TNKS: variants seen among roughly 807,000 people sequenced by gnomAD.
TNKS encodes poly [ADP-ribose] polymerase tankyrase-1.
Under a neutral mutation model 135.8 loss-of-function variants are expected in TNKS, and 72 were observed. That is an observed-to-expected ratio of 0.53 (90% CI 0.44 to 0.64). The LOEUF (loss-of-function observed/expected upper bound fraction) is 0.64. Among genes scored for constraint, TNKS ranks in the 30% least tolerant of loss-of-function variants. TNKS has a pLI of 0.00. For missense variants in TNKS, 1,769 were observed against 1,674.0 expected (o/e 1.06, Z -0.99); for synonymous variants, 849 against 649.3 (o/e 1.31, Z -4.68).
intron 18 of TNKS, among the ~76,000 whole-genome samples, chr8:9,750,014 G>T (rs1272758900): frequency 3.3e-5 from 5 of 152,098 alleles, no homozygotes; most frequent in African/African-American, 4.8e-5. Context: ...TCAGCCAAAA[G>T]CTCCACCCAC....
intron 12 of TNKS, among the ~76,000 whole-genome samples, chr8:9,723,669 A>G (rs890688777): frequency 6.6e-6 from 1 of 152,244 alleles, no homozygotes; most frequent in South Asian, 2.1e-4. Context: ...ATCTGGCTAC[A>G]TTTAAACTAA....
intron 1 of TNKS, 147 bp from the exon 2 acceptor site, chr8:9,580,012 G>A (rs1326673960): frequency 3.0e-6 from 2 of 656,264 alleles, no homozygotes; most frequent in South Asian, 4.0e-5. Flanking sequence ...CAGTTTGAAT[G>A]AAGCTAATGT....
At chr8:9,720,873 T>A (rs1232261189) in intron 12 of TNKS, among the ~76,000 whole-genome samples, 1 of 152,214 alleles carries the variant, frequency 6.6e-6, no homozygotes, top group Non-Finnish European at 1.5e-5. Flanking sequence ...TATAAATCAT[T>A]CATATGGTAA....
intron 3 of TNKS, among the ~76,000 whole-genome samples, chr8:9,656,806 G>C (rs557874706): frequency 1.8e-4 from 26 of 147,978 alleles, no homozygotes; most frequent in African/African-American, 5.3e-4. Context: ...CTTGAGATTA[G>C]GGAGTGGTGA....
At chr8:9,572,761 A>C (rs1797804066) in intron 1 of TNKS, among the ~76,000 whole-genome samples, 4 of 152,200 alleles carry the variant, frequency 2.6e-5, no homozygotes, top group Admixed American at 2.6e-4. Flanking sequence ...TCGATTTTTA[A>C]TAGCAAAATT....
chr8:9,665,414 G>C (rs1801940065), intron 3 of TNKS, among the ~76,000 whole-genome samples: 1 of 152,214 alleles, frequency 6.6e-6, no homozygotes, highest in South Asian at 2.1e-4. Context: ...CTGAAAACCA[G>C]ATTTACTTTT....
At position 9,763,165 on chromosome 8, in the gene TNKS, C is replaced by G. The variant is rs566448141; in HGVS notation, c.3293C>G (p.Thr1098Ser). 122 of 1,581,740 alleles carry G rather than the reference C, an allele frequency of 7.7e-5. No homozygotes were observed. The South Asian group carries it at 1.2e-3, about 16-fold the overall frequency. ...CCGACAGGCACCAATCCTTATTTGA[C>G]TTTTCACTGTGTTAATCAGGGAACG... ...GGQQGTNPYL[T>S]FHCVNQGTIL... The change falls in exon 22 of 27, where the codon ACT (threonine) becomes AGT (serine). Residue 1098 changes from threonine (T) to serine (S), a missense_variant. Thr to Ser is a moderately conservative substitution (Grantham distance 58). Around this residue, in one of 5 missense-constraint regions of TNKS, gnomAD observed 722 missense variants for 688.9 expected, o/e 1.05. Transcript: ENST00000310430.
intron 1 of TNKS, among the ~76,000 whole-genome samples, chr8:9,568,285 T>G (rs1171244926): frequency 6.6e-6 from 1 of 152,222 alleles, no homozygotes; most frequent in Non-Finnish European, 1.5e-5. Context: ...TGTAAGGTTT[T>G]TGAGTAGTTC....
chr8:9,659,757 G>C (rs965926412), intron 3 of TNKS, among the ~76,000 whole-genome samples: 1 of 152,166 alleles, frequency 6.6e-6, no homozygotes, highest in Non-Finnish European at 1.5e-5. Flanking sequence ...GAAGGAGATA[G>C]AGACACAAAA....
intron 26 of TNKS, among the ~76,000 whole-genome samples, chr8:9,770,884 A>G (rs557779214): frequency 8.5e-5 from 13 of 152,254 alleles, no homozygotes; most frequent in South Asian, 2.1e-4. Flanking sequence ...TCTTAAGCAT[A>G]TTATAGGATT....
chr8:9,569,249 A>G (rs1280618204), intron 1 of TNKS, among the ~76,000 whole-genome samples: 2 of 152,190 alleles, frequency 1.3e-5, no homozygotes, highest in Non-Finnish European at 2.9e-5. Context: ...CTATTACCAT[A>G]GTTTCTTAGT....
intron 2 of TNKS, among the ~76,000 whole-genome samples, chr8:9,596,597 C>G (rs550478585): frequency 6.6e-6 from 1 of 152,160 alleles, no homozygotes; most frequent in African/African-American, 2.4e-5. Context: ...TATTCTACTC[C>G]CTGATATGAC....
At chr8:9,578,033 T>G (rs1035025638) in intron 1 of TNKS, among the ~76,000 whole-genome samples, 1 of 152,114 alleles carries the variant, frequency 6.6e-6, no homozygotes, top group African/African-American at 2.4e-5. Context: ...AATCTTAAAG[T>G]TCCAAAATAA....
intron 20 of TNKS, among the ~76,000 whole-genome samples, chr8:9,759,220 G>A (rs1807012156): frequency 6.6e-6 from 1 of 152,232 alleles, no homozygotes; most frequent in African/African-American, 2.4e-5. Flanking sequence ...CATTGAGTCT[G>A]TCTGCCATAG....
At chr8:9,751,922 C>G (rs1806562201) in intron 19 of TNKS, 76 bp downstream of exon 19, 2 of 1,289,380 alleles carry the variant, frequency 1.6e-6, no homozygotes, top group Non-Finnish European at 1.1e-6. Context: ...CTATTGATAA[C>G]TATTGAATGC....
In TNKS at chr8:9,720,492, A is replaced by G; in HGVS notation, c.1868A>G (p.Gln623Arg). 2 of 1,614,142 alleles carry G rather than the reference A, an allele frequency of 1.2e-6. No homozygotes were observed. The highest frequency in any genetic ancestry group is 8.5e-7 in the Non-Finnish European group (1 of 1,180,004). The change falls in exon 12 of 27, where the codon CAA (glutamine) becomes CGA (arginine). Residue 623 changes from glutamine (Q) to arginine (R), a missense_variant. This residue lies in a region of TNKS where 523 missense variants were observed against 541.0 expected (regional missense o/e 0.97). Coordinates refer to ENST00000310430, the MANE Select transcript of TNKS (RefSeq NM_003747.3). ...YGSDPSIISLQGFTAAQMGNE... is the reference protein window; with the variant it reads ...YGSDPSIISLRGFTAAQMGNE... ...TCTGACCCCTCCATCATCTCCTTAC[A>G]AGGCTTCACAGCAGCACAGATGGGC...
intron 26 of TNKS, among the ~76,000 whole-genome samples, chr8:9,774,990 C>T (rs953113893): frequency 2.0e-5 from 3 of 152,102 alleles, no homozygotes; most frequent in East Asian, 3.9e-4. Context: ...TTTGTCTGTC[C>T]GCATGGTAAG....
At chr8:9,566,262 A>G (rs993997877) in intron 1 of TNKS, 1 of 152,192 alleles carries the variant, frequency 6.6e-6, no homozygotes, top group Non-Finnish European at 1.5e-5. Context: ...CTTTGCAGGA[A>G]AATATTCTTA....
chr8:9,672,426 TGCTGTGTA>T (rs1458302815), intron 3 of TNKS, among the ~76,000 whole-genome samples: 3 of 151,970 alleles, frequency 2.0e-5, no homozygotes, highest in African/African-American at 7.2e-5. Flanking sequence ...ATGACAGCTG[TGCTGTGTA>T]GCTGTGTACA....
Sources: allele counts gnomAD v4.1 joint callset (sites outside exome capture counted in the v4.1 genomes callset), GRCh38; gene constraint gnomAD v4.1.1; regional missense constraint gnomAD v4.1.1; transcripts MANE v1.5; gene names NCBI Gene and HGNC (gene_info 2026-07-23, HGNC 2026-07-21).